ARB2A: variants seen among roughly 807,000 people sequenced by gnomAD.
The protein encoded by ARB2A is ARB2 cotranscriptional regulator A.
At chr5:93,795,583 C>T in the ARB2A span, among the ~76,000 whole-genome samples, 1 of 152,232 alleles carries the variant, frequency 6.6e-6, no homozygotes, top group African/African-American at 2.4e-5. Flanking sequence ...ACTAGTCCTG[C>T]CCCCATCTGC....
the ARB2A span, chr5:93,881,408 A>G: frequency 8.2e-7 from 1 of 1,225,740 alleles, no homozygotes; most frequent in Non-Finnish European, 1.2e-6. Context: ...AAAACAATCT[A>G]CATATAATAA....
the ARB2A span, among the ~76,000 whole-genome samples, chr5:93,945,935 T>C: frequency 6.6e-5 from 10 of 152,126 alleles, no homozygotes; most frequent in African/African-American, 2.2e-4. Flanking sequence ...AAGGCCAAAA[T>C]GGTTTCAAGA....
chr5:94,086,100 A>G, the ARB2A span, among the ~76,000 whole-genome samples: 4 of 152,328 alleles, frequency 2.6e-5, no homozygotes, highest in Admixed American at 2.0e-4. Context: ...TTCAGGGGTA[A>G]ATTTATAGGT....
At chr5:93,913,981 C>G in the ARB2A span, among the ~76,000 whole-genome samples, 1 of 151,898 alleles carries the variant, frequency 6.6e-6, no homozygotes, top group Admixed American at 6.6e-5. Context: ...CAAGATCAGT[C>G]TAGATAAAAT....
chr5:93,626,837 CAAT>C, the ARB2A span, among the ~76,000 whole-genome samples: 1 of 152,280 alleles, frequency 6.6e-6, no homozygotes, highest in African/African-American at 2.4e-5. Flanking sequence ...TAAAATAAGA[CAAT>C]GATGTAGTTT....
chr5:93,852,367 T>C, the ARB2A span, among the ~76,000 whole-genome samples: 7 of 152,222 alleles, frequency 4.6e-5, no homozygotes, highest in Admixed American at 2.6e-4. Flanking sequence ...CTTTGTCAGA[T>C]GAGTAGATTG....
At chr5:93,995,622 T>C in the ARB2A span, among the ~76,000 whole-genome samples, 1 of 152,188 alleles carries the variant, frequency 6.6e-6, no homozygotes, top group African/African-American at 2.4e-5. Flanking sequence ...CATCAAGTTA[T>C]AGGCAGATTT....
the ARB2A span, among the ~76,000 whole-genome samples, chr5:93,920,942 T>C: frequency 6.6e-6 from 1 of 152,104 alleles, no homozygotes; most frequent in Non-Finnish European, 1.5e-5. Context: ...TTCTTGCATA[T>C]TTTTCATTGT....
At chr5:94,083,952 G>A in the ARB2A span, among the ~76,000 whole-genome samples, 1 of 151,808 alleles carries the variant, frequency 6.6e-6, no homozygotes, top group African/African-American at 2.4e-5. Context: ...CAGTTATAAA[G>A]CACAGTTTTT....
chr5:93,890,947 G>A, the ARB2A span, among the ~76,000 whole-genome samples: 6 of 152,020 alleles, frequency 3.9e-5, no homozygotes, highest in South Asian at 2.1e-4. Flanking sequence ...GCCTGACAAC[G>A]CTTACTGGAA....
chr5:94,006,848 C>T, the ARB2A span, among the ~76,000 whole-genome samples: 4 of 152,084 alleles, frequency 2.6e-5, no homozygotes, highest in African/African-American at 4.8e-5. Context: ...ACAGCAATAA[C>T]GAAGTATTTT....
chr5:93,820,620 G>C, the ARB2A span, among the ~76,000 whole-genome samples: 1 of 152,104 alleles, frequency 6.6e-6, no homozygotes, highest in Non-Finnish European at 1.5e-5. Context: ...AGTAAAATTT[G>C]TAAGAAATTT....
chr5:93,966,965 T>C, the ARB2A span, among the ~76,000 whole-genome samples: 2 of 151,850 alleles, frequency 1.3e-5, no homozygotes, highest in Non-Finnish European at 2.9e-5. Flanking sequence ...TGAATTCTCC[T>C]CTCTGTCCAT....
chr5:93,937,332 G>C, the ARB2A span, among the ~76,000 whole-genome samples: 1 of 151,576 alleles, frequency 6.6e-6, no homozygotes, highest in East Asian at 2.0e-4. Flanking sequence ...GCTGGCCGCG[G>C]TGGTTCACAC....
At chr5:93,652,479 A>G in the ARB2A span, among the ~76,000 whole-genome samples, 2 of 152,190 alleles carry the variant, frequency 1.3e-5, no homozygotes, top group South Asian at 4.1e-4. Flanking sequence ...CAGAGTTGTG[A>G]AAAATTATAT....
chr5:93,697,284 A>G, the ARB2A span, among the ~76,000 whole-genome samples: 2 of 151,272 alleles, frequency 1.3e-5, no homozygotes, highest in African/African-American at 4.9e-5. Context: ...CCCTTTCTAT[A>G]TCTCTCCCCT....
chr5:94,071,911 C>G, the ARB2A span, among the ~76,000 whole-genome samples: 1 of 152,078 alleles, frequency 6.6e-6, no homozygotes, highest in Admixed American at 6.6e-5. Flanking sequence ...AAAACTTATA[C>G]ATGAATACAC....
chr5:93,659,779 C>T, the ARB2A span, among the ~76,000 whole-genome samples: 2 of 152,238 alleles, frequency 1.3e-5, no homozygotes, highest in Middle Eastern at 6.8e-3. Context: ...TCCTTCAATA[C>T]ATAAGAGGCT....
chr5:93,659,490 GATGTT>G, the ARB2A span, among the ~76,000 whole-genome samples: 1 of 152,100 alleles, frequency 6.6e-6, no homozygotes, highest in African/African-American at 2.4e-5. Flanking sequence ...GAGTTTGGGA[GATGTT>G]TAGCTACCAA....
Sources: allele counts gnomAD v4.1 joint callset (sites outside exome capture counted in the v4.1 genomes callset), GRCh38; gene constraint gnomAD v4.1.1; transcripts MANE v1.5; gene names NCBI Gene and HGNC (gene_info 2026-07-23, HGNC 2026-07-21).